The following MRPS25 variants were observed in gnomAD, a reference collection of about 807,000 sequenced individuals.
MRPS25 encodes small ribosomal subunit protein mS25.
In MRPS25, 15 loss-of-function variants were observed where a neutral mutation model predicts 17.3. The ratio of observed to expected loss-of-function variants is 0.87; its 90% CI spans 0.58 to 1.34. MRPS25 has a LOEUF of 1.34. Among genes scored for constraint, MRPS25 ranks in the 40% most tolerant of loss-of-function variants. The pLI is 0.00. For synonymous variants in MRPS25, 94 were observed against 83.3 expected, an observed-to-expected ratio of 1.13 and a Z score of -0.70; for missense variants, 225 against 218.6, an observed-to-expected ratio of 1.03 and a Z score of -0.19.
At chr3:15,053,674 A>C in intron 2 of MRPS25, 3 of 621,546 alleles carry the variant, frequency 4.8e-6, no homozygotes, top group Non-Finnish European at 8.5e-6. Context: ...ATGTAAAAAA[A>C]CATGCCATTT....
chr3:15,060,608 C>T (rs571533612), intron 1 of MRPS25, among the ~76,000 whole-genome samples: 164 of 151,180 alleles, frequency 1.1e-3, no homozygotes, highest in Non-Finnish European at 2.0e-3. Context: ...AGCCGCCGGG[C>T]GCGGTGGCTC....
Position 15,050,471 on chromosome 3 carries a change from T to C in MRPS25, c.*1970A>G, listed in dbSNP as rs544884990. 2.4e-5 allele frequency: 24 copies of C among 983,816 alleles called. No homozygotes were observed. The South Asian group carries it at 6.6e-4, about 27-fold the overall frequency. 60.9% of individuals were successfully genotyped at this position (983,816 alleles called of 1,614,324 possible). A position where few individuals can be genotyped will look rare whatever the true frequency, so the allele number is the denominator to read the frequency against. On this transcript the variant is annotated 3_prime_UTR_variant, in exon 4 of 4. Transcript: ENST00000253686. ...ACTCTCATAAGGCTTTGTGTGTCAC[T>C]AGCTATGGAGACCTACACTGCAGAT...
intron 1 of MRPS25, among the ~76,000 whole-genome samples, chr3:15,060,801 A>G (rs1362104655): frequency 3.3e-5 from 5 of 152,156 alleles, no homozygotes; most frequent in Non-Finnish European, 7.4e-5. Context: ...GAATGGTGTG[A>G]ATCCAGGAGG....
chr3:15,056,257 T>C (rs2042672079), intron 2 of MRPS25, among the ~76,000 whole-genome samples: 1 of 151,496 alleles, frequency 6.6e-6, no homozygotes, highest in African/African-American at 2.4e-5. Context: ...AAAATAAATA[T>C]CTGAGTGGCC....
downstream of MRPS25, chr3:15,047,174 A>G (rs765171577): frequency 1.4e-4 from 21 of 152,766 alleles, no homozygotes; most frequent in African/African-American, 4.1e-4. Flanking sequence ...AGTTTTTCAT[A>G]AAGTTGCTAA....
chr3:15,061,349 G>A (rs912199353), intron 1 of MRPS25, among the ~76,000 whole-genome samples: 3 of 152,160 alleles, frequency 2.0e-5, no homozygotes, highest in African/African-American at 7.2e-5. Context: ...CCCAGCGCCT[G>A]CGATTGCAGG....
At chr3:15,048,047 TG>T (rs1559322552), downstream of MRPS25, 1 of 152,668 alleles carries the variant, frequency 6.6e-6, no homozygotes, top group East Asian at 1.9e-4. Flanking sequence ...AGGGGCCTGC[TG>T]GAAGGAATCA....
At position 15,049,957 on chromosome 3, in the gene MRPS25, C is replaced by T. The variant is rs2042578897; in HGVS notation, c.*2484G>A. 1 of 1,527,768 alleles carries T rather than the reference C, an allele frequency of 6.5e-7. No individual in the cohort carries two copies. The highest frequency in any genetic ancestry group is 8.7e-7 in the Non-Finnish European group (1 of 1,144,028). 94.6% of individuals were successfully genotyped at this position (1,527,768 alleles called of 1,614,324 possible). A position where few individuals can be genotyped will look rare whatever the true frequency, so the allele number is the denominator to read the frequency against. On this transcript the variant is annotated 3_prime_UTR_variant, in exon 4 of 4. Transcript: ENST00000253686. ...GTGCCTCAAAGAGAAGAAAAGTGGT[C>T]ACTTCAGAATAAGGCTGTGAACACT...
At chr3:15,058,818 G>A (rs544984294) in intron 2 of MRPS25, among the ~76,000 whole-genome samples, 28 of 152,218 alleles carry the variant, frequency 1.8e-4, no homozygotes, top group South Asian at 1.0e-3. Flanking sequence ...TGCCCTCCTC[G>A]TTTTCCAGCG....
chr3:15,053,152 G>A (rs1377986611), intron 3 of MRPS25: 3 of 966,446 alleles, frequency 3.1e-6, no homozygotes, highest in African/African-American at 1.6e-5. Context: ...GAGGGAGAGA[G>A]GTACTTCTCA....
At position 15,050,478 on chromosome 3, in the gene MRPS25, G is replaced by GATACGGCAACCACC; in HGVS notation, c.*1962_*1963insGGTGGTTGCCGTAT. The GATACGGCAACCACC allele has an allele frequency of 1.0e-6, 1 of 982,212 alleles. No homozygotes were observed. Among genetic ancestry groups the GATACGGCAACCACC allele is most frequent in the Non-Finnish European group, 1.2e-6 (1 of 828,860 alleles). 60.8% of individuals were successfully genotyped at this position (982,212 alleles called of 1,614,324 possible). ...TAAGGCTTTGTGTGTCACTAGCTAT[G>GATACGGCAACCACC]GAGACCTACACTGCAGATGAAAGCC... is the stretch of plus-strand genomic sequence containing the variant. On this transcript the variant is annotated 3_prime_UTR_variant, in exon 4 of 4. Transcript: ENST00000253686.
chr3:15,048,974 C>T lies in MRPS25; in HGVS notation c.*3467G>A, dbSNP rs1053177900. The T allele has an allele frequency of 2.0e-5, 3 of 152,620 alleles. No individual in the cohort carries two copies. The highest frequency in any genetic ancestry group is 4.4e-5 in the Non-Finnish European group (3 of 68,038). 9.5% of individuals were successfully genotyped at this position (152,620 alleles called of 1,614,324 possible). A position where few individuals can be genotyped will look rare whatever the true frequency, so the allele number is the denominator to read the frequency against. The stretch of plus-strand genomic sequence containing the variant: ...TGGTTTTGCCATTACATTTTAATGC[C>T]AGGTTTAAAACCTGTTGAAAGCTGC... On this transcript the variant is annotated 3_prime_UTR_variant, in exon 4 of 4. Transcript: ENST00000253686.
chr3:15,051,514 AGGCTCTGCT>A lies in MRPS25; in HGVS notation c.*918_*926del. 1.0e-6 allele frequency: 1 copy of A among 985,410 alleles called. No homozygotes were observed. Among genetic ancestry groups the A allele is most frequent in the Non-Finnish European group, 1.2e-6 (1 of 829,908 alleles). 61.0% of individuals were successfully genotyped at this position (985,410 alleles called of 1,614,324 possible). ...AACCTATTCTTAAGGTGACCCTAGA[AGGCTCTGCT>A]GTCTTCTGGAGGCTGAAACCTCCAC... On this transcript the variant is annotated 3_prime_UTR_variant, in exon 4 of 4. Transcript: ENST00000253686.
At chr3:15,064,934 A>C in intron 1 of MRPS25, 127 bp downstream of exon 1, 1 of 1,239,106 alleles carries the variant, frequency 8.1e-7, no homozygotes, top group Middle Eastern at 2.7e-4. Context: ...TGGGGGTAAC[A>C]GCGCCGACCT....
At chr3:15,043,676 G>A (rs2042351116), downstream of MRPS25, 1 of 152,458 alleles carries the variant, frequency 6.6e-6, no homozygotes, top group African/African-American at 2.4e-5. Context: ...TGGGAGTGTG[G>A]TAGCACAGTC....
intron 3 of MRPS25, 90 bp downstream of exon 3, chr3:15,053,290 C>T: frequency 1.3e-6 from 2 of 1,582,264 alleles, no homozygotes; most frequent in Non-Finnish European, 1.7e-6. Context: ...GAGAATCTTA[C>T]CTCTCAACAC....
At chr3:15,061,903 C>T (rs2042769549) in intron 1 of MRPS25, among the ~76,000 whole-genome samples, 1 of 151,160 alleles carries the variant, frequency 6.6e-6, no homozygotes, top group Non-Finnish European at 1.5e-5. Context: ...CGCCCGGCAG[C>T]CGCCCTGTCT....
At chr3:15,057,316 C>T (rs945363013) in intron 2 of MRPS25, among the ~76,000 whole-genome samples, 1 of 152,232 alleles carries the variant, frequency 6.6e-6, no homozygotes, top group African/African-American at 2.4e-5. Flanking sequence ...TCCTCACTCT[C>T]CTGGTTTCTT....
At chr3:15,063,837 C>G (rs766756719) in intron 1 of MRPS25, among the ~76,000 whole-genome samples, 1 of 152,076 alleles carries the variant, frequency 6.6e-6, no homozygotes, top group Non-Finnish European at 1.5e-5. Context: ...GAGACCCCCA[C>G]CCCTTCCCAT....
Sources: gnomAD v4.1 joint callset for allele counts (sites outside exome capture counted in the v4.1 genomes callset) on GRCh38, gnomAD v4.1.1 for gene constraint, MANE v1.5 for transcripts, NCBI Gene and HGNC (gene_info 2026-07-23, HGNC 2026-07-21) for gene names.